Variants in CNTN4 observed in about 807,000 individuals in gnomAD.
The protein encoded by CNTN4 is contactin 4, also known as contactin-4.
CNTN4 carries 77 observed loss-of-function variants against 122.5 expected under a neutral mutation model. That is an observed-to-expected ratio of 0.63 (90% confidence interval 0.52 to 0.76). The LOEUF is 0.76. Ranked by LOEUF, CNTN4 falls within the 30% of genes least tolerant of loss-of-function variation. CNTN4 has a pLI of 0.00. For missense variants in CNTN4, 1,256 were observed against 1,259.1 expected (o/e 1.00, Z 0.04); for synonymous variants, 512 against 447.0 (o/e 1.15, Z -1.83).
intron 3 of CNTN4, among the ~76,000 whole-genome samples, chr3:2,395,054 T>G (rs561830220): frequency 2.0e-5 from 3 of 152,180 alleles, no homozygotes; most frequent in Non-Finnish European, 4.4e-5. Flanking sequence ...CCCAAAGTGC[T>G]GGGATTACAG....
rs146083177 is a variant in CNTN4 at position 2,566,477 on chromosome 3, T to C, written c.-88-4939T>C. ...CACAAGAGATGTTAGCTGCCTTTAT[T>C]CTTTCATTTACATACTAGCTGTTGA... is the stretch of plus-strand genomic sequence containing the variant. On this transcript the variant is annotated intron_variant, in intron 3 of 24. Coordinates refer to ENST00000418658, the MANE Select transcript of CNTN4 (RefSeq NM_175607.3). Among the ~76,000 whole-genome samples the C allele has an allele frequency of 2.3e-3, 352 of 152,326 alleles. 3 individuals carry two copies. The highest frequency in any genetic ancestry group is 8.2e-3 in the African/African-American group (341 of 41,568).
intron 4 of CNTN4, among the ~76,000 whole-genome samples, chr3:2,670,416 C>A (rs1428530084): frequency 6.6e-6 from 1 of 152,056 alleles, no homozygotes; most frequent in Non-Finnish European, 1.5e-5. Context: ...GATTGCAACC[C>A]CTGCCTTTTT....
At chr3:2,674,113 T>A (rs923358793) in intron 4 of CNTN4, among the ~76,000 whole-genome samples, 1 of 152,208 alleles carries the variant, frequency 6.6e-6, no homozygotes, top group Admixed American at 6.5e-5. Flanking sequence ...AAATCATTAT[T>A]GTTTTAACCG....
chr3:2,125,552 T>A (rs1239913916), intron 2 of CNTN4, among the ~76,000 whole-genome samples: 2 of 135,888 alleles, frequency 1.5e-5, no homozygotes, highest in Non-Finnish European at 3.1e-5. Flanking sequence ...TCTTTTTTCT[T>A]TTTCTTTTTC....
intron 5 of CNTN4, among the ~76,000 whole-genome samples, chr3:2,737,983 C>T (rs2089236912): frequency 6.6e-6 from 1 of 151,958 alleles, no homozygotes; most frequent in African/African-American, 2.4e-5. Context: ...CCAGAGGCAG[C>T]AGAAAGAGAC....
intron 13 of CNTN4, among the ~76,000 whole-genome samples, chr3:2,955,099 T>G (rs1029484896): frequency 6.6e-6 from 1 of 152,078 alleles, no homozygotes; most frequent in Admixed American, 6.6e-5. Context: ...AAGTCTGCCA[T>G]GAAAAGTCTT....
intron 3 of CNTN4, among the ~76,000 whole-genome samples, chr3:2,379,533 A>G (rs1048569329): frequency 3.9e-5 from 6 of 152,298 alleles, no homozygotes; most frequent in Admixed American, 1.3e-4. Flanking sequence ...TCTTTTTTAT[A>G]TAACTGCTAT....
chr3:2,422,492 G>A (rs1436165829), intron 3 of CNTN4, among the ~76,000 whole-genome samples: 2 of 152,148 alleles, frequency 1.3e-5, no homozygotes, highest in Non-Finnish European at 2.9e-5. Flanking sequence ...AGCACTATTT[G>A]GATTCCTGAC....
chr3:2,147,977 C>G (rs1422904473), intron 2 of CNTN4, among the ~76,000 whole-genome samples: 2 of 152,286 alleles, frequency 1.3e-5, no homozygotes, highest in South Asian at 2.1e-4. Flanking sequence ...CTAATTGATT[C>G]TCTTTCACTC....
At chr3:2,757,139 CTA>C (rs988775328) in intron 6 of CNTN4, among the ~76,000 whole-genome samples, 2 of 152,202 alleles carry the variant, frequency 1.3e-5, no homozygotes, top group Non-Finnish European at 2.9e-5. Context: ...TTGTCTCACA[CTA>C]TGCATTTTCC....
chr3:2,692,231 G>A (rs977489453), intron 4 of CNTN4, among the ~76,000 whole-genome samples: 1 of 152,180 alleles, frequency 6.6e-6, no homozygotes, highest in Non-Finnish European at 1.5e-5. Flanking sequence ...AATAGCAGGA[G>A]GAAAAGTTGG....
chr3:2,605,769 G>A (rs148028740), intron 4 of CNTN4, among the ~76,000 whole-genome samples: 41 of 152,248 alleles, frequency 2.7e-4, no homozygotes, highest in Middle Eastern at 3.4e-3. Flanking sequence ...AAAACCAACC[G>A]ATGTCCTGTC....
At chr3:3,039,635 GCC>G (rs2125754019) in intron 19 of CNTN4, 2 of 250,452 alleles carry the variant, frequency 8.0e-6, no homozygotes, top group African/African-American at 4.5e-5. Context: ...AGGATCTTCA[GCC>G]AAGATGGTTT....
chr3:2,144,666 C>T (rs956645649), intron 2 of CNTN4, among the ~76,000 whole-genome samples: 19 of 152,278 alleles, frequency 1.2e-4, no homozygotes, highest in African/African-American at 4.1e-4. Context: ...GACCCCACAT[C>T]CTAATGTTAA....
intron 4 of CNTN4, among the ~76,000 whole-genome samples, chr3:2,632,997 C>T (rs1006172102): frequency 6.7e-6 from 1 of 148,460 alleles, no homozygotes; most frequent in Admixed American, 6.8e-5. Context: ...TTTATATATA[C>T]ATTTATATAA....
At chr3:3,004,180 C>T (rs1696366217) in intron 14 of CNTN4, among the ~76,000 whole-genome samples, 1 of 151,620 alleles carries the variant, frequency 6.6e-6, no homozygotes, top group South Asian at 2.1e-4. Context: ...TGAATGAAGA[C>T]AAAAAGGAAG....
At chr3:2,118,050 G>T (rs2033482592) in intron 2 of CNTN4, among the ~76,000 whole-genome samples, 1 of 152,206 alleles carries the variant, frequency 6.6e-6, no homozygotes, top group African/African-American at 2.4e-5. Flanking sequence ...TTGTCTAAGT[G>T]AATTTTAATC....
chr3:2,241,945 C>G (rs2039958293), intron 2 of CNTN4, among the ~76,000 whole-genome samples: 1 of 152,078 alleles, frequency 6.6e-6, no homozygotes, highest in Non-Finnish European at 1.5e-5. Flanking sequence ...TTGGATAAAT[C>G]ATCTCATGTC....
chr3:2,996,617 T>C (rs1695561761), intron 14 of CNTN4, among the ~76,000 whole-genome samples: 1 of 152,220 alleles, frequency 6.6e-6, no homozygotes, highest in African/African-American at 2.4e-5. Flanking sequence ...ACATAATTAA[T>C]TTCTTTTCCA....
Sources: gnomAD v4.1 joint callset for allele counts (sites outside exome capture counted in the v4.1 genomes callset) on GRCh38, gnomAD v4.1.1 for gene constraint, MANE v1.5 for transcripts, NCBI Gene and HGNC (gene_info 2026-07-23, HGNC 2026-07-21) for gene names.